Variants in MAD1L1 observed in about 807,000 individuals in gnomAD.
MAD1L1 encodes the protein mitotic arrest deficient 1 like 1.
MAD1L1 carries 95 observed loss-of-function variants against 96.9 expected under a neutral mutation model. The observed-to-expected ratio is 0.98, with a 90% CI of 0.83 to 1.16. The LOEUF (loss-of-function observed/expected upper bound fraction) is 1.16. Ranked by LOEUF, MAD1L1 falls within the 50% of genes most tolerant of loss-of-function variation. The pLI, the probability that MAD1L1 is intolerant of heterozygous loss-of-function variation, is 0.00. For synonymous variants in MAD1L1, 473 were observed against 396.6 expected, an observed-to-expected ratio of 1.19 and a Z score of -2.29; for missense variants, 1,007 against 954.4, an observed-to-expected ratio of 1.06 and a Z score of -0.73.
chr7:2,097,183 C>T (rs1337878982), intron 11 of MAD1L1, among the ~76,000 whole-genome samples: 9 of 151,628 alleles, frequency 5.9e-5, no homozygotes, highest in Non-Finnish European at 1.3e-4. Context: ...CCCCACCCCA[C>T]GGCGCCCAGG....
At chr7:2,122,314 T>A (rs902924739) in intron 11 of MAD1L1, among the ~76,000 whole-genome samples, 1 of 152,220 alleles carries the variant, frequency 6.6e-6, no homozygotes, top group Non-Finnish European at 1.5e-5. Context: ...ATCTAGCACC[T>A]TGATAACTGT....
At chr7:1,862,156 C>T (rs1035343440) in intron 18 of MAD1L1, among the ~76,000 whole-genome samples, 3 of 152,220 alleles carry the variant, frequency 2.0e-5, no homozygotes, top group African/African-American at 4.8e-5. Flanking sequence ...TCCCCAAGAG[C>T]GGCACCCCGC....
chr7:2,145,324 G>A (rs1313091496), intron 11 of MAD1L1, among the ~76,000 whole-genome samples: 2 of 152,234 alleles, frequency 1.3e-5, no homozygotes, highest in Admixed American at 6.5e-5. Flanking sequence ...TCGCAACCCT[G>A]GAAAGCAGTA....
At chr7:2,078,102 G>A (rs147091159) in intron 11 of MAD1L1, among the ~76,000 whole-genome samples, 77 of 152,266 alleles carry the variant, frequency 5.1e-4, no homozygotes, top group African/African-American at 1.8e-3. Flanking sequence ...CTCTGCCATC[G>A]AAGCCCCCAG....
chr7:1,870,261 C>G (rs1784983415), intron 18 of MAD1L1, among the ~76,000 whole-genome samples: 1 of 150,846 alleles, frequency 6.6e-6, no homozygotes. Context: ...CCACGCTGAA[C>G]CCAACATATG....
intron 15 of MAD1L1, among the ~76,000 whole-genome samples, chr7:1,959,706 A>G (rs1398286872): frequency 6.6e-6 from 1 of 152,242 alleles, no homozygotes; most frequent in African/African-American, 2.4e-5. Flanking sequence ...ACATCTCCCA[A>G]AACAGAAGCA....
chr7:1,896,679 G>A (rs1786894287), intron 18 of MAD1L1, among the ~76,000 whole-genome samples: 1 of 152,200 alleles, frequency 6.6e-6, no homozygotes, highest in South Asian at 2.1e-4. Context: ...CCCTCTTTTG[G>A]ATTTTCGACA....
chr7:1,992,745 G>T (rs1039680843), intron 14 of MAD1L1, among the ~76,000 whole-genome samples: 1 of 152,182 alleles, frequency 6.6e-6, no homozygotes. Context: ...AAGCCCCCAG[G>T]CGGCCCAGTC....
At position 2,076,992 on chromosome 7, in the gene MAD1L1, G is replaced by A. The variant is rs561338020; in HGVS notation, c.1074-7654C>T. Among the ~76,000 whole-genome samples the A allele has an allele frequency of 1.5e-4, 23 of 148,918 alleles. No individual in the cohort carries two copies. In the East Asian group the frequency reaches 2.2e-3, roughly 14 times the overall value. ...GCCCGCAGCATGGTGAGCCCGAGAC[G>A]GTTATGACACAGTGAGCTCACGGCA... On this transcript the variant is annotated intron_variant, in intron 11 of 18. Transcript: ENST00000265854.
intron 18 of MAD1L1, among the ~76,000 whole-genome samples, chr7:1,856,459 C>T (rs550593763): frequency 1.6e-4 from 25 of 152,358 alleles, no homozygotes; most frequent in Admixed American, 5.2e-4. Context: ...AACCAGCGCG[C>T]GGAGCACCGC....
chr7:2,190,579 T>C (rs911593022), intron 10 of MAD1L1, among the ~76,000 whole-genome samples: 1 of 152,148 alleles, frequency 6.6e-6, no homozygotes, highest in African/African-American at 2.4e-5. Flanking sequence ...GACTCTGTCA[T>C]GAATATATAT....
At chr7:1,850,588 C>T (rs1402039250) in intron 18 of MAD1L1, among the ~76,000 whole-genome samples, 1 of 152,194 alleles carries the variant, frequency 6.6e-6, no homozygotes, top group Non-Finnish European at 1.5e-5. Context: ...ACAGGTGACT[C>T]GGCAGAGCCG....
chr7:2,043,867 G>A (rs753376765), intron 12 of MAD1L1, among the ~76,000 whole-genome samples: 6 of 152,232 alleles, frequency 3.9e-5, no homozygotes, highest in Admixed American at 6.5e-5. Context: ...GGGCCAGGGA[G>A]GGCCGGGCAA....
chr7:1,898,455 C>T (rs767769699), intron 17 of MAD1L1, 65 bp from the exon 18 acceptor site: 23 of 1,471,642 alleles, frequency 1.6e-5, no homozygotes, highest in South Asian at 9.8e-5. Context: ...GACCCGGGAG[C>T]GGCCAGGGCA....
At chr7:2,074,963 T>G (rs1427831360) in intron 11 of MAD1L1, among the ~76,000 whole-genome samples, 1 of 151,882 alleles carries the variant, frequency 6.6e-6, no homozygotes, top group African/African-American at 2.4e-5. Context: ...GGGCCCGAGG[T>G]TGGGCCAACC....
chr7:1,931,550 C>T (rs1258938299), intron 17 of MAD1L1, among the ~76,000 whole-genome samples: 6 of 152,234 alleles, frequency 3.9e-5, no homozygotes, highest in African/African-American at 7.2e-5. Flanking sequence ...AACTGCATTT[C>T]TCTGGAATAC....
At chr7:1,921,248 C>G (rs1788775318) in intron 17 of MAD1L1, among the ~76,000 whole-genome samples, 1 of 152,250 alleles carries the variant, frequency 6.6e-6, no homozygotes, top group African/African-American at 2.4e-5. Flanking sequence ...ACTAGATTAA[C>G]CTATAACTTC....
intron 10 of MAD1L1, among the ~76,000 whole-genome samples, chr7:2,198,673 C>G (rs1378612790): frequency 6.6e-6 from 1 of 152,242 alleles, no homozygotes; most frequent in African/African-American, 2.4e-5. Flanking sequence ...ATGAGACAGA[C>G]ACTCCCTGAT....
chr7:2,183,168 G>A (rs536486311), intron 10 of MAD1L1, among the ~76,000 whole-genome samples: 28 of 151,154 alleles, frequency 1.9e-4, no homozygotes, highest in Admixed American at 8.6e-4. Flanking sequence ...AACTATGATC[G>A]CGCCACTGCA....
Sources: gnomAD v4.1 joint callset for allele counts (sites outside exome capture counted in the v4.1 genomes callset) on GRCh38, gnomAD v4.1.1 for gene constraint, MANE v1.5 for transcripts, NCBI Gene and HGNC (gene_info 2026-07-23, HGNC 2026-07-21) for gene names.